The following CSMD1 variants were observed in gnomAD, a reference collection of about 807,000 sequenced individuals.
CSMD1 encodes the protein CUB and sushi domain-containing protein 1.
A neutral mutation model predicts 417.5 loss-of-function variants in CSMD1; 213 were observed. The ratio of observed to expected loss-of-function variants is 0.51; its 90% CI spans 0.46 to 0.57. The LOEUF is 0.57. CSMD1 is among the 20% of genes least tolerant of loss of function. The pLI is 0.00. For synonymous variants in CSMD1, 2,862 were observed against 1,736.8 expected (o/e 1.65, Z -16.11); for missense variants, 6,923 against 4,529.7 (o/e 1.53, Z -15.17).
intron 10 of CSMD1, among the ~76,000 whole-genome samples, chr8:3,558,512 C>A (rs554368384): frequency 1.3e-5 from 2 of 150,362 alleles, no homozygotes; most frequent in East Asian, 2.0e-4. Flanking sequence ...CTCAATGGTA[C>A]CCCATGTCGA....
At chr8:3,267,651 C>G (rs1038667950) in intron 26 of CSMD1, among the ~76,000 whole-genome samples, 1 of 152,198 alleles carries the variant, frequency 6.6e-6, no homozygotes, top group African/African-American at 2.4e-5. Flanking sequence ...AAAGAGCCAA[C>G]ATACAGTGAG....
At chr8:4,151,045 G>A (rs933596057) in intron 3 of CSMD1, among the ~76,000 whole-genome samples, 1 of 152,106 alleles carries the variant, frequency 6.6e-6, no homozygotes, top group Non-Finnish European at 1.5e-5. Context: ...TAATAAAACG[G>A]TTGAGGAGCC....
chr8:3,378,304 G>A (rs183875481), intron 18 of CSMD1, among the ~76,000 whole-genome samples: 41 of 152,076 alleles, frequency 2.7e-4, no homozygotes, highest in Non-Finnish European at 5.4e-4. Flanking sequence ...ATTCACAGTC[G>A]AATTCTCCCA....
chr8:4,931,179 T>C (rs994183779), intron 1 of CSMD1, among the ~76,000 whole-genome samples: 1 of 152,244 alleles, frequency 6.6e-6, no homozygotes, highest in South Asian at 2.1e-4. Flanking sequence ...ATAAAGTTAT[T>C]TGGGGCAGTC....
intron 3 of CSMD1, among the ~76,000 whole-genome samples, chr8:4,255,224 TC>T (rs1803370724): frequency 6.6e-6 from 1 of 152,162 alleles, no homozygotes; most frequent in Non-Finnish European, 1.5e-5. Flanking sequence ...GCGCATGCAG[TC>T]CCTATGGATT....
rs140620046 is a variant in CSMD1, at chr8:4,582,814, G to T, written c.302+54528C>A. On this transcript the variant is annotated intron_variant, in intron 2 of 69. Transcript: ENST00000635120. ...GCCGGAGCCCACTCCCTCAGCTTGC[G>T]GGGAGGTGTGGAGGGAGAGGCGCGA... 2.6e-5 allele frequency among the ~76,000 whole-genome samples: 4 copies of T among 152,218 alleles called. No homozygotes were observed. The East Asian group carries it at 7.7e-4, about 29-fold the overall frequency.
rs1241256423 is a variant in CSMD1 at position 4,084,341 on chromosome 8, A to G, written c.416-52242T>C. 2.0e-5 allele frequency among the ~76,000 whole-genome samples: 3 copies of G among 152,180 alleles called. No homozygotes were observed. The East Asian group carries it at 5.8e-4, about 29-fold the overall frequency. On this transcript the variant is annotated intron_variant, in intron 3 of 69. Transcript: ENST00000635120. ...ATTGGTTTGTTAAAAAAGAAAAAAA[A>G]AAACAAACTACAACCATAAATGCAA...
chr8:3,990,747 C>T (rs1814679966), intron 5 of CSMD1, among the ~76,000 whole-genome samples: 1 of 152,088 alleles, frequency 6.6e-6, no homozygotes, highest in African/African-American at 2.4e-5. Context: ...CTCAGAGTTG[C>T]AGGGGCACCT....
chr8:4,095,613 T>G (rs1456286221), intron 3 of CSMD1, among the ~76,000 whole-genome samples: 1 of 152,186 alleles, frequency 6.6e-6, no homozygotes, highest in Admixed American at 6.5e-5. Flanking sequence ...AATGTGCACC[T>G]GCAGAGCTGC....
At chr8:3,029,687 T>A (rs979073945) in intron 50 of CSMD1, among the ~76,000 whole-genome samples, 174 bp from the exon 51 acceptor site, 1 of 150,162 alleles carries the variant, frequency 6.7e-6, no homozygotes, top group East Asian at 1.9e-4. Context: ...ATGGGAATGA[T>A]CCCATATGTA....
At chr8:4,278,812 T>G (rs746081591) in intron 3 of CSMD1, among the ~76,000 whole-genome samples, 1 of 152,170 alleles carries the variant, frequency 6.6e-6, no homozygotes, top group Admixed American at 6.5e-5. Flanking sequence ...GTTTATAAAT[T>G]TGGCTCTTGG....
chr8:3,238,058 C>G (rs1392915140), intron 26 of CSMD1, among the ~76,000 whole-genome samples: 2 of 151,814 alleles, frequency 1.3e-5, no homozygotes, highest in African/African-American at 2.4e-5. Flanking sequence ...GTTTATTTCA[C>G]CTGGGTGCAG....
At chr8:3,542,582 G>A (rs142877145) in intron 10 of CSMD1, among the ~76,000 whole-genome samples, 115 of 152,292 alleles carry the variant, frequency 7.6e-4, no homozygotes, top group Admixed American at 1.5e-3. Context: ...AAGAGCGTAC[G>A]TGCTGTGAGC....
At position 3,163,246 on chromosome 8, in the gene CSMD1, C is replaced by T. The variant is rs571133655; in HGVS notation, c.5726-969G>A. 1.1e-4 allele frequency among the ~76,000 whole-genome samples: 17 copies of T among 152,260 alleles called. 1 individual carries two copies. The South Asian group carries it at 3.3e-3, about 30-fold the overall frequency. Reference sequence around the variant, plus strand: ...GTCATGAAGAAATAGTGGAGAAAGGCTTCTCTTGGTAGGCCAGCTTCACAT... The same window carrying T: ...GTCATGAAGAAATAGTGGAGAAAGGTTTCTCTTGGTAGGCCAGCTTCACAT... On this transcript the variant is annotated intron_variant, in intron 37 of 69. Coordinates refer to ENST00000635120, the MANE Select transcript of CSMD1 (RefSeq NM_033225.6).
At chr8:3,125,734 T>C (rs1445593762) in intron 41 of CSMD1, among the ~76,000 whole-genome samples, 1 of 152,220 alleles carries the variant, frequency 6.6e-6, no homozygotes, top group African/African-American at 2.4e-5. Flanking sequence ...CCCAGCACTT[T>C]GGGAGGCCGA....
chr8:3,114,625 G>C (rs936889571), intron 42 of CSMD1, among the ~76,000 whole-genome samples: 1 of 151,934 alleles, frequency 6.6e-6, no homozygotes. Context: ...CTCTGTCTTG[G>C]AAATTGCCGG....
At chr8:3,618,296 C>T (rs1802245180) in intron 7 of CSMD1, among the ~76,000 whole-genome samples, 1 of 152,168 alleles carries the variant, frequency 6.6e-6, no homozygotes, top group South Asian at 2.1e-4. Flanking sequence ...TGTGCAACCA[C>T]ACCCAGTCAA....
At chr8:2,975,819 A>G (rs1298842933) in intron 55 of CSMD1, among the ~76,000 whole-genome samples, 2 of 152,184 alleles carry the variant, frequency 1.3e-5, no homozygotes, top group East Asian at 1.9e-4. Context: ...GACAATTCCA[A>G]CTGTTAATGA....
intron 52 of CSMD1, among the ~76,000 whole-genome samples, chr8:3,014,042 ATTATT>A (rs1264786221): frequency 1.3e-5 from 2 of 152,126 alleles, no homozygotes; most frequent in South Asian, 2.1e-4. Flanking sequence ...ATACATTGCA[ATTATT>A]TTATTTCTAC....
Sources: allele counts gnomAD v4.1 joint callset (sites outside exome capture counted in the v4.1 genomes callset), GRCh38; gene constraint gnomAD v4.1.1; transcripts MANE v1.5; gene names NCBI Gene and HGNC (gene_info 2026-07-23, HGNC 2026-07-21).